The following NFATC1 variants were observed in gnomAD, a reference collection of about 807,000 sequenced individuals.
NFATC1 encodes nuclear factor of activated T cells 1.
Under a neutral mutation model 76.0 loss-of-function variants are expected in NFATC1, and 22 were observed. The observed-to-expected ratio is 0.29, with a 90% confidence interval of 0.21 to 0.41. The LOEUF is 0.41. NFATC1 is among the 10% of genes least tolerant of loss of function. The probability of loss-of-function intolerance (pLI) is 1.00; values close to 1 mark genes in which losing one functional copy is unlikely to be tolerated. For missense variants in NFATC1, 1,357 were observed against 1,337.7 expected (o/e 1.01, Z -0.23); for synonymous variants, 704 against 613.1 (o/e 1.15, Z -2.19).
chr18:79,510,925 GCCGGGGCATCCTGCT>G (rs1569043327), intron 9 of NFATC1, among the ~76,000 whole-genome samples: 1 of 152,150 alleles, frequency 6.6e-6, no homozygotes, highest in Non-Finnish European at 1.5e-5. Flanking sequence ...GGGCTCCTCC[GCCGGGGCATCCTGCT>G]CCGGGGCATC....
intron 9 of NFATC1, chr18:79,496,868 C>A (rs2089901572): frequency 6.6e-6 from 1 of 152,250 alleles, no homozygotes; most frequent in Non-Finnish European, 1.5e-5. Flanking sequence ...CTCACCACCC[C>A]CCTTTCCCGG....
intron 9 of NFATC1, among the ~76,000 whole-genome samples, chr18:79,510,493 G>A (rs566459036): frequency 4.6e-4 from 70 of 152,254 alleles, no homozygotes; most frequent in Admixed American, 2.8e-3. Flanking sequence ...CACAGGCGTG[G>A]TGGAGGGCTC....
chr18:79,464,828 C>T (rs768605973), intron 7 of NFATC1, among the ~76,000 whole-genome samples: 2 of 150,790 alleles, frequency 1.3e-5, no homozygotes, highest in African/African-American at 2.4e-5. Flanking sequence ...GCCTCAGCCT[C>T]GCCAGTAGCT....
intron 9 of NFATC1, among the ~76,000 whole-genome samples, chr18:79,525,085 ACCCCTCAGGCCTCCCCACGTCCCACCG>A: frequency 5.7e-5 from 3 of 52,546 alleles, no homozygotes. Context: ...CACCGTCGTT[ACCCCTCAGGCCTCCCCACGTCCCACCG>A]TCGTTACCCC....
At chr18:79,455,776 TCCCAC>T (rs370186834) in intron 6 of NFATC1, among the ~76,000 whole-genome samples, 3 of 10,910 alleles carry the variant, frequency 2.7e-4, no homozygotes, top group African/African-American at 9.3e-4. Flanking sequence ...GGCCGCCCCA[TCCCAC>T]GGCCGCCCCA....
At chr18:79,513,954 A>G (rs1175739412) in intron 9 of NFATC1, among the ~76,000 whole-genome samples, 1 of 151,948 alleles carries the variant, frequency 6.6e-6, no homozygotes, top group Non-Finnish European at 1.5e-5. Context: ...TCCCCACCTG[A>G]GCTGGCCGCT....
chr18:79,485,014 G>T (rs1162680196), intron 8 of NFATC1, among the ~76,000 whole-genome samples: 1 of 152,246 alleles, frequency 6.6e-6, no homozygotes, highest in Non-Finnish European at 1.5e-5. Context: ...CAAGCCCGGG[G>T]CTAAATATTT....
chr18:79,522,131 G>T (rs1440353619), intron 9 of NFATC1, among the ~76,000 whole-genome samples: 1 of 85,096 alleles, frequency 1.2e-5, no homozygotes, highest in African/African-American at 5.1e-5. Context: ...TGGGGAGGGG[G>T]TGTCCACTGA....
chr18:79,422,334 G>T (rs113401082), intron 2 of NFATC1: 21 of 152,272 alleles, frequency 1.4e-4, no homozygotes, highest in African/African-American at 5.1e-4. Context: ...AAAACTTCCT[G>T]TGAGTAATAA....
chr18:79,398,099 C>G (rs1460728774), intron 1 of NFATC1, among the ~76,000 whole-genome samples: 1 of 152,108 alleles, frequency 6.6e-6, no homozygotes, highest in Non-Finnish European at 1.5e-5. Context: ...CATCTGAGGA[C>G]CTGGGCGCCT....
At chr18:79,430,889 C>T (rs1053044855) in intron 2 of NFATC1, among the ~76,000 whole-genome samples, 4 of 152,194 alleles carry the variant, frequency 2.6e-5, no homozygotes, top group South Asian at 2.1e-4. Flanking sequence ...CAGCTGGCCG[C>T]GAGCTCTGTG....
intron 9 of NFATC1, chr18:79,497,541 A>G (rs371010): frequency 0.092 from 14,034 of 152,246 alleles, 901 homozygotes; most frequent in East Asian, 0.26. Context: ...AGTCGTGATC[A>G]TGGGAGCTGC....
intron 1 of NFATC1, among the ~76,000 whole-genome samples, chr18:79,408,836 CCAT>C (rs1482899892): frequency 6.6e-6 from 1 of 151,558 alleles, no homozygotes. Flanking sequence ...ATCCATCCAT[CCAT>C]CATCCATCCA....
At chr18:79,471,420 A>G (rs2088782786) in intron 8 of NFATC1, among the ~76,000 whole-genome samples, 1 of 152,246 alleles carries the variant, frequency 6.6e-6, no homozygotes, top group South Asian at 2.1e-4. Context: ...AAACCAAGTT[A>G]CAAACTCAAA....
chr18:79,449,690 C>T (rs1354807724), intron 4 of NFATC1, among the ~76,000 whole-genome samples: 1 of 152,132 alleles, frequency 6.6e-6, no homozygotes, highest in Non-Finnish European at 1.5e-5. Flanking sequence ...GCAGGGACGG[C>T]GTCCTGCGAG....
chr18:79,481,459 A>G (rs1051145934), intron 8 of NFATC1, among the ~76,000 whole-genome samples: 4 of 152,184 alleles, frequency 2.6e-5, no homozygotes, highest in African/African-American at 9.6e-5. Flanking sequence ...CCCAATCAAC[A>G]TGAGGGCGCC....
chr18:79,421,318 A>G (rs565755922), intron 2 of NFATC1: 1 of 152,448 alleles, frequency 6.6e-6, no homozygotes, highest in African/African-American at 2.4e-5. Flanking sequence ...GACATGTGGC[A>G]CAGACCTGGA....
chr18:79,494,570 C>T (rs368588517), intron 9 of NFATC1, among the ~76,000 whole-genome samples: 1 of 73,230 alleles, frequency 1.4e-5, no homozygotes, highest in African/African-American at 4.4e-5. Flanking sequence ...CTGGTACCGC[C>T]GGGGGAAGGC....
At position 79,465,408 on chromosome 18, in the gene NFATC1, G is replaced by A. The variant is rs1186582783; in HGVS notation, c.1960-2042G>A. 2.6e-5 allele frequency among the ~76,000 whole-genome samples: 4 copies of A among 151,410 alleles called. No homozygotes were observed. The highest frequency in any genetic ancestry group is 6.6e-5 in the Admixed American group (1 of 15,210). On this transcript the variant is annotated intron_variant, in intron 7 of 9. Coordinates refer to ENST00000427363, the MANE Select transcript of NFATC1 (RefSeq NM_001278669.2). This position sits in a 1 kb window ranked among gnomAD's most constrained non-coding sequence, Gnocchi z 4.2. ...CCTCCACCCATCCAGCCTGCCTCAC[G>A]GGGTCCCCGCCTCCACCCAGTCTGG... is the stretch of plus-strand genomic sequence containing the variant.
Sources: gnomAD v4.1 joint callset for allele counts (sites outside exome capture counted in the v4.1 genomes callset) on GRCh38, gnomAD v4.1.1 for gene constraint, Gnocchi (gnomAD v3.1) non-coding constraint, MANE v1.5 for transcripts, NCBI Gene and HGNC (gene_info 2026-07-23, HGNC 2026-07-21) for gene names.